The following GRB14 variants were observed in gnomAD, a reference collection of about 807,000 sequenced individuals.
GRB14 encodes growth factor receptor bound protein 14.
GRB14 carries 38 observed loss-of-function variants against 69.1 expected under a neutral mutation model. The observed-to-expected ratio is 0.55, with a 90% CI of 0.42 to 0.72. The LOEUF is 0.72. GRB14 is among the 30% of genes least tolerant of loss of function. The pLI, the probability that GRB14 is intolerant of heterozygous loss-of-function variation, is 0.00. For missense variants in GRB14, 666 were observed against 666.1 expected (o/e 1.00, Z 0.00); for synonymous variants, 247 against 241.3 (o/e 1.02, Z -0.22).
intron 2 of GRB14, among the ~76,000 whole-genome samples, chr2:164,600,992 G>T (rs1361849415): frequency 6.6e-6 from 1 of 151,788 alleles, no homozygotes; most frequent in Non-Finnish European, 1.5e-5. Context: ...AAAAAAAAAA[G>T]GTTGAGAAAA....
intron 2 of GRB14, among the ~76,000 whole-genome samples, chr2:164,572,036 T>A: frequency 6.6e-6 from 1 of 152,226 alleles, no homozygotes; most frequent in East Asian, 1.9e-4. Context: ...CTGTTTATTA[T>A]GGAGAATTCA....
At chr2:164,522,207 A>C in intron 5 of GRB14, 90 bp from the exon 6 acceptor site, 1 of 754,888 alleles carries the variant, frequency 1.3e-6, no homozygotes, top group Non-Finnish European at 2.2e-6. Flanking sequence ...AAATATAAAC[A>C]TGTAAAAATC....
chr2:164,496,106 C>A (rs1302127350), intron 12 of GRB14, among the ~76,000 whole-genome samples: 9 of 152,176 alleles, frequency 5.9e-5, no homozygotes, highest in African/African-American at 2.2e-4. Context: ...GAAATGCTGA[C>A]TTCCTATTAA....
At chr2:164,596,538 T>C (rs1324073594) in intron 2 of GRB14, among the ~76,000 whole-genome samples, 3 of 152,266 alleles carry the variant, frequency 2.0e-5, no homozygotes, top group Non-Finnish European at 4.4e-5. Context: ...TCTAATCTTA[T>C]TTTAAAATTA....
chr2:164,536,241 A>G (rs549664553), intron 3 of GRB14, among the ~76,000 whole-genome samples: 1 of 152,328 alleles, frequency 6.6e-6, no homozygotes, highest in East Asian at 1.9e-4. Flanking sequence ...TGCAGTGTAC[A>G]GAGAGTCCCA....
chr2:164,551,627 T>C (rs941174374), intron 2 of GRB14, among the ~76,000 whole-genome samples: 7 of 152,160 alleles, frequency 4.6e-5, no homozygotes, highest in Admixed American at 3.9e-4. Flanking sequence ...TGATTCCTTC[T>C]ACCTGGAAGA....
chr2:164,546,016 C>A (rs528892334), intron 3 of GRB14, among the ~76,000 whole-genome samples: 1 of 152,182 alleles, frequency 6.6e-6, no homozygotes, highest in African/African-American at 2.4e-5. Flanking sequence ...ATAAAGAGAA[C>A]CACTGCTATG....
intron 5 of GRB14, among the ~76,000 whole-genome samples, chr2:164,523,852 C>T (rs1232332892): frequency 6.6e-6 from 1 of 152,034 alleles, no homozygotes; most frequent in Admixed American, 6.6e-5. Flanking sequence ...CATAACTGTG[C>T]TACAGGAAGA....
At chr2:164,598,922 A>G (rs1689850363) in intron 2 of GRB14, among the ~76,000 whole-genome samples, 1 of 152,040 alleles carries the variant, frequency 6.6e-6, no homozygotes, top group South Asian at 2.1e-4. Context: ...CTGCTCCAAA[A>G]CAGTGTCTTA....
At chr2:164,599,433 C>T (rs930458622) in intron 2 of GRB14, among the ~76,000 whole-genome samples, 1 of 152,110 alleles carries the variant, frequency 6.6e-6, no homozygotes, top group Non-Finnish European at 1.5e-5. Flanking sequence ...GGAACTGACA[C>T]CAGCAGTGAC....
At chr2:164,607,009 C>G (rs1215665575) in intron 2 of GRB14, among the ~76,000 whole-genome samples, 1 of 152,110 alleles carries the variant, frequency 6.6e-6, no homozygotes, top group Non-Finnish European at 1.5e-5. Flanking sequence ...TACAAGGGAA[C>G]CAAAGAGACA....
chr2:164,523,115 C>A (rs4610070), intron 5 of GRB14, among the ~76,000 whole-genome samples: 1 of 152,098 alleles, frequency 6.6e-6, no homozygotes, highest in South Asian at 2.1e-4. Flanking sequence ...GAGTATCAAA[C>A]GACATGCAGT....
At chr2:164,591,318 A>G (rs184126331) in intron 2 of GRB14, among the ~76,000 whole-genome samples, 16 of 152,284 alleles carry the variant, frequency 1.1e-4, no homozygotes, top group Admixed American at 8.5e-4. Flanking sequence ...CATTACATTA[A>G]AAGTGTTTAC....
chr2:164,527,033 T>C lies in GRB14; in HGVS notation c.584A>G (p.Glu195Gly). The change falls in exon 4 of 14, where the codon GAG becomes GGG. Residue 195 changes from glutamate to glycine, a missense_variant. Glu to Gly is a moderately conservative substitution (Grantham distance 98). Coordinates refer to ENST00000263915, the MANE Select transcript of GRB14 (RefSeq NM_004490.3). The part of the protein sequence containing the change: ...LYFRKNYAKY[E>G]FFKNPMYFFP... ...ACTTACCATTGGGTTTTTAAAGAAC[T>C]CATATTTGGCATAATTTTTTCTAAA... is the stretch of plus-strand genomic sequence containing the variant. 6.3e-7 allele frequency: 1 copy of C among 1,599,028 alleles called. No individual in the cohort carries two copies. Among genetic ancestry groups the C allele is most frequent in the Middle Eastern group, 1.7e-4 (1 of 5,996 alleles).
intron 2 of GRB14, among the ~76,000 whole-genome samples, chr2:164,553,407 G>T (rs868597912): frequency 2.4e-4 from 37 of 152,116 alleles, no homozygotes; most frequent in African/African-American, 7.7e-4. Context: ...TTGTTAGAAT[G>T]AATAAAACCT....
At chr2:164,589,926 G>T (rs1339732910) in intron 2 of GRB14, among the ~76,000 whole-genome samples, 1 of 152,084 alleles carries the variant, frequency 6.6e-6, no homozygotes, top group East Asian at 1.9e-4. Context: ...CCCTCATCTG[G>T]GTTACAGACA....
chr2:164,503,260 A>G (rs1687110631), intron 8 of GRB14, among the ~76,000 whole-genome samples: 1 of 151,536 alleles, frequency 6.6e-6, no homozygotes, highest in South Asian at 2.1e-4. Context: ...CATTTCATAG[A>G]GCCATAATGA....
intron 2 of GRB14, among the ~76,000 whole-genome samples, chr2:164,607,824 A>C (rs781628051): frequency 5.1e-4 from 77 of 152,282 alleles, no homozygotes; most frequent in Admixed American, 1.1e-3. Flanking sequence ...AAATGTGTTA[A>C]TTTTATCATA....
At chr2:164,583,440 T>G (rs929690342) in intron 2 of GRB14, among the ~76,000 whole-genome samples, 1 of 152,208 alleles carries the variant, frequency 6.6e-6, no homozygotes, top group Admixed American at 6.5e-5. Flanking sequence ...AGTGGACATA[T>G]TAATGTCCTG....
Sources: gnomAD v4.1 joint callset for allele counts (sites outside exome capture counted in the v4.1 genomes callset) on GRCh38, gnomAD v4.1.1 for gene constraint, MANE v1.5 for transcripts, NCBI Gene and HGNC (gene_info 2026-07-23, HGNC 2026-07-21) for gene names.